Variants in SAMHD1 observed in about 807,000 individuals in gnomAD.
The protein encoded by SAMHD1 is deoxynucleoside triphosphate triphosphohydrolase SAMHD1.
Under a neutral mutation model 79.6 loss-of-function variants are expected in SAMHD1, and 54 were observed. That is an observed-to-expected ratio of 0.68 (90% CI 0.55 to 0.85). The LOEUF (loss-of-function observed/expected upper bound fraction) is 0.85. Ranked by LOEUF, SAMHD1 falls within the 40% of genes least tolerant of loss-of-function variation. The probability of loss-of-function intolerance (pLI) is 0.00; values close to 1 mark genes in which losing one functional copy is unlikely to be tolerated. For missense variants in SAMHD1, 663 were observed against 782.7 expected (o/e 0.85, Z 1.82); for synonymous variants, 260 against 264.1 (o/e 0.98, Z 0.15).
chr20:36,912,509 A>G lies in SAMHD1; in HGVS notation c.1106T>C (p.Leu369Ser), dbSNP rs515726139. The G allele has an allele frequency of 6.2e-7, 1 of 1,613,542 alleles. No homozygotes were observed. Among genetic ancestry groups the G allele is most frequent in the Non-Finnish European group, 8.5e-7 (1 of 1,179,564 alleles). ...LYDMFHTRNS[L>S]HRRAYQHKVG... is the part of the protein sequence containing the mutation. ...TTTGTGTTGATAAGCTCTACGGTGT[A>G]AAGAGTTGCGAGTGTGGAACATGTC... is the stretch of plus-strand genomic sequence containing the variant. Residue 369 changes from leucine to serine, a missense_variant, in exon 10 of 16, where the codon TTA (leucine) becomes TCA (serine). Transcript: ENST00000646673.
intron 11 of SAMHD1, among the ~76,000 whole-genome samples, chr20:36,906,517 A>C (rs562812119): frequency 1.3e-5 from 2 of 152,308 alleles, no homozygotes; most frequent in African/African-American, 4.8e-5. Context: ...TAAATTGTCC[A>C]GTGTTTGACA....
At chr20:36,937,138 C>G (rs950867662) in intron 3 of SAMHD1, among the ~76,000 whole-genome samples, 1 of 97,442 alleles carries the variant, frequency 1.0e-5, no homozygotes, top group Non-Finnish European at 1.8e-5. Flanking sequence ...GAGACTCTAT[C>G]TCAAAAAAAA....
At chr20:36,929,377 TCA>T (rs1268005696) in intron 5 of SAMHD1, among the ~76,000 whole-genome samples, 2 of 151,930 alleles carry the variant, frequency 1.3e-5, no homozygotes, top group Admixed American at 6.6e-5. Context: ...ACACAAACTC[TCA>T]GAGTCCCTGA....
At chr20:36,931,582 A>T (rs2063568134) in intron 4 of SAMHD1, among the ~76,000 whole-genome samples, 3 of 152,064 alleles carry the variant, frequency 2.0e-5, no homozygotes, top group Admixed American at 6.6e-5. Flanking sequence ...GGTTGCAGTG[A>T]GCCGAGATCT....
chr20:36,941,079 T>A lies in SAMHD1; in HGVS notation c.308A>T (p.Tyr103Phe). ...GTGGATTTGAACCAATCGCTGGATA[T>A]AACTAAGCAGCTTCTTCCTCTCCCC... ...SLGERKKLLS[Y>F]IQRLVQIHVD... The change falls in exon 3 of 16, where the codon TAT (tyrosine) becomes TTT (phenylalanine). Residue 103 changes from tyrosine (Y) to phenylalanine (F), a missense_variant. Coordinates refer to ENST00000646673, the MANE Select transcript of SAMHD1 (RefSeq NM_015474.4). The A allele has an allele frequency of 3.1e-6, 5 of 1,613,492 alleles. No homozygotes were observed. Among genetic ancestry groups the A allele is most frequent in the Non-Finnish European group, 4.2e-6 (5 of 1,179,608 alleles).
rs1479750345 is a variant in SAMHD1, at chr20:36,951,623, C to T, written c.21G>A (p.Glu7=). The T allele has an allele frequency of 5.0e-6, 8 of 1,613,930 alleles. No individual in the cohort carries two copies. Among genetic ancestry groups the T allele is most frequent in the Non-Finnish European group, 6.8e-6 (8 of 1,179,984 alleles). The part of the protein sequence containing the change: MQRADS[E]QPSKRPRCDD... ...CGCAACGGGGACGCTTGGAGGGCTG[C>T]TCGGAATCGGCTCGCTGCATGGCTA... Residue 7 remains glutamate (E), a synonymous_variant, in exon 1 of 16, where the codon GAG becomes GAA. Transcript: ENST00000646673.
chr20:36,912,272 C>T, intron 10 of SAMHD1, 189 bp downstream of exon 10: 7 of 572,776 alleles, frequency 1.2e-5, no homozygotes, highest in Non-Finnish European at 2.2e-5. Flanking sequence ...GCCCCTTTAT[C>T]CACTTCCCTC....
chr20:36,913,352 C>G (rs1319822379), intron 9 of SAMHD1, among the ~76,000 whole-genome samples: 3 of 151,322 alleles, frequency 2.0e-5, no homozygotes, highest in East Asian at 4.0e-4. Context: ...GCCTGTAACC[C>G]CAGCACTTTG....
chr20:36,908,711 T>C (rs999943213), intron 11 of SAMHD1, among the ~76,000 whole-genome samples: 1 of 152,162 alleles, frequency 6.6e-6, no homozygotes, highest in African/African-American at 2.4e-5. Context: ...TTGGTAATTT[T>C]AAAAACTGGT....
At chr20:36,919,282 C>T in intron 7 of SAMHD1, 82 bp downstream of exon 7, 1 of 1,358,058 alleles carries the variant, frequency 7.4e-7, no homozygotes, top group East Asian at 2.3e-5. Flanking sequence ...CTAAAATAGC[C>T]AAATGTATAA....
intron 1 of SAMHD1, among the ~76,000 whole-genome samples, chr20:36,950,980 CCCA>C (rs2063729433): frequency 6.6e-6 from 1 of 152,172 alleles, no homozygotes; most frequent in Admixed American, 6.6e-5. Context: ...CAGCAAGCCG[CCCA>C]CCAAGGTCTG....
At chr20:36,903,538 A>T (rs6030021) in intron 13 of SAMHD1, among the ~76,000 whole-genome samples, 113,642 of 145,732 alleles carry the variant, frequency 0.78, 44,468 homozygotes, top group Middle Eastern at 0.88. Flanking sequence ...CGTGCCCAGC[A>T]ATTTTTTTTT....
At chr20:36,912,885 C>CTTTTTTTTT (rs1374227156) in intron 9 of SAMHD1, among the ~76,000 whole-genome samples, 1 of 8,150 alleles carries the variant, frequency 1.2e-4, no homozygotes, top group African/African-American at 4.2e-4. Flanking sequence ...AACTTTCATT[C>CTTTTTTTTT]TTTGTTTTTT....
At chr20:36,909,074 GCCTC>G (rs1246001650) in intron 11 of SAMHD1, among the ~76,000 whole-genome samples, 4 of 152,098 alleles carry the variant, frequency 2.6e-5, no homozygotes, top group African/African-American at 9.7e-5. Flanking sequence ...CGATTCTCCT[GCCTC>G]AGCCTCCTGA....
chr20:36,904,703 C>T (rs751349090), intron 12 of SAMHD1: 8 of 186,258 alleles, frequency 4.3e-5, no homozygotes, highest in Non-Finnish European at 5.7e-5. Context: ...GGTGACAGAG[C>T]GAGACTCTGT....
At chr20:36,899,208 C>T (rs777450640) in intron 13 of SAMHD1, among the ~76,000 whole-genome samples, 22 of 148,540 alleles carry the variant, frequency 1.5e-4, no homozygotes, top group African/African-American at 3.7e-4. Flanking sequence ...ACCAGGAGTT[C>T]GAGACCACCC....
intron 10 of SAMHD1, chr20:36,912,194 C>T (rs905315819): frequency 7.2e-5 from 33 of 459,084 alleles, no homozygotes; most frequent in African/African-American, 5.8e-4. Context: ...TCAGCACTGC[C>T]GCTTCACGTC....
intron 9 of SAMHD1, among the ~76,000 whole-genome samples, chr20:36,912,889 G>GTTTT (rs71186089): frequency 0.047 from 1,911 of 41,044 alleles, 687 homozygotes; most frequent in African/African-American, 0.15. Context: ...TTCATTCTTT[G>GTTTT]TTTTTTTTTT....
chr20:36,904,244 GTCC>G lies in SAMHD1; in HGVS notation c.1413_1415del (p.Glu471del), dbSNP rs1192946422. 48 of 1,609,392 alleles carry G rather than the reference GTCC, an allele frequency of 3.0e-5. No homozygotes were observed. The highest frequency in any genetic ancestry group is 3.8e-5 in the Non-Finnish European group (45 of 1,175,900). ...CAACCTCTTTTGGAAGAGATTCATA[GTCC>G]TCCTGGAAAACACAAGACTCCCCAT... On this transcript the variant is annotated inframe_deletion and splice_region_variant, in exon 13 of 16. Transcript: ENST00000646673.
Sources: allele counts gnomAD v4.1 joint callset (sites outside exome capture counted in the v4.1 genomes callset), GRCh38; gene constraint gnomAD v4.1.1; transcripts MANE v1.5; gene names NCBI Gene and HGNC (gene_info 2026-07-23, HGNC 2026-07-21).